Variants in POC1A observed in about 807,000 individuals in gnomAD.
The protein encoded by POC1A is POC1 centriolar protein homolog A.
Under a neutral mutation model 47.8 loss-of-function variants are expected in POC1A, and 34 were observed. The ratio of observed to expected loss-of-function variants is 0.71; its 90% CI spans 0.54 to 0.95. The LOEUF (loss-of-function observed/expected upper bound fraction) is 0.95. Among genes scored for constraint, POC1A ranks in the 40% least tolerant of loss-of-function variants. The pLI, the probability that POC1A is intolerant of heterozygous loss-of-function variation, is 0.00. For synonymous variants in POC1A, 177 were observed against 207.6 expected (o/e 0.85, Z 1.27); for missense variants, 466 against 528.3 (o/e 0.88, Z 1.16).
intron 9 of POC1A, among the ~76,000 whole-genome samples, chr3:52,110,162 ATG>A (rs1703330878): frequency 6.6e-6 from 1 of 152,226 alleles, no homozygotes; most frequent in African/African-American, 2.4e-5. Context: ...AGCATTTTTT[ATG>A]TGTCAGACAC....
At chr3:52,110,196 G>GC (rs1405528743) in intron 9 of POC1A, among the ~76,000 whole-genome samples, 1 of 152,196 alleles carries the variant, frequency 6.6e-6, no homozygotes, top group African/African-American at 2.4e-5. Context: ...CATGGCAAGA[G>GC]CAAGGCCCCA....
intron 9 of POC1A, among the ~76,000 whole-genome samples, chr3:52,098,558 C>G (rs191922607): frequency 2.8e-4 from 42 of 152,326 alleles, no homozygotes; most frequent in African/African-American, 7.7e-4. Context: ...GTGGCCTTTA[C>G]AACAGAGGGT....
In POC1A at chr3:52,084,396, G is replaced by A. The variant is rs1233638170; in HGVS notation, c.1126-8411C>T. 2.6e-5 allele frequency among the ~76,000 whole-genome samples: 4 copies of A among 152,148 alleles called. No individual in the cohort carries two copies. The highest frequency in any genetic ancestry group is 5.9e-5 in the Non-Finnish European group (4 of 68,032). On this transcript the variant is annotated intron_variant, in intron 10 of 10. Transcript: ENST00000296484. This position sits in a 1 kb window ranked among gnomAD's most constrained non-coding sequence, Gnocchi z 4.3. ...AGGAGTTGTGGGACACTCACGACCCGCCTTGGGGGCAGCCAACAACATCAT... is the reference window on the plus strand; with the variant it reads ...AGGAGTTGTGGGACACTCACGACCCACCTTGGGGGCAGCCAACAACATCAT...
At chr3:52,076,784 C>T (rs1047127641) in intron 10 of POC1A, among the ~76,000 whole-genome samples, 2 of 152,256 alleles carry the variant, frequency 1.3e-5, no homozygotes, top group African/African-American at 2.4e-5. Context: ...TGGGCCCTTG[C>T]TCTCCTGGCC....
intron 5 of POC1A, 129 bp downstream of exon 5, chr3:52,146,859 A>G: frequency 1.4e-6 from 1 of 738,100 alleles, no homozygotes; most frequent in Middle Eastern, 3.4e-4. Context: ...AGCACCAGAC[A>G]AGGGGCAGCA....
chr3:52,135,076 A>G (rs573517212), intron 7 of POC1A, among the ~76,000 whole-genome samples: 4 of 152,206 alleles, frequency 2.6e-5, no homozygotes, highest in Non-Finnish European at 5.9e-5. Context: ...AGGACTCTAT[A>G]CCTGCTGCAG....
rs1031500973 is a variant in POC1A, at chr3:52,145,869, T to C, written c.656A>G (p.His219Arg). ...NTVKVWDVRT[H>R]RLLQHYQLHS... ...ACACTGATAATGCTGCAGCAGCCGG[T>C]GAGTCCGCACGTCCCACACCTTCAC... The change falls in exon 6 of 11, where the codon CAC becomes CGC. Residue 219 changes from histidine (H) to arginine (R), a missense_variant. Transcript: ENST00000296484. The C allele has an allele frequency of 6.2e-7, 1 of 1,613,504 alleles. No homozygotes were observed. The highest frequency in any genetic ancestry group is 8.5e-7 in the Non-Finnish European group (1 of 1,179,656).
chr3:52,149,402 G>C lies in POC1A; in HGVS notation c.276-13C>G. On this transcript the variant is annotated splice_polypyrimidine_tract_variant and intron_variant, in intron 3 of 10. Transcript: ENST00000296484. ...GGACTCACCTTTGCTACAAGGACAG[G>C]CATCCAAGAGTAAGGAAACCCATAA... The C allele has an allele frequency of 6.2e-7, 1 of 1,612,166 alleles. No homozygotes were observed.
intron 10 of POC1A, among the ~76,000 whole-genome samples, chr3:52,089,230 G>A (rs934996121): frequency 4.0e-5 from 6 of 151,888 alleles, no homozygotes; most frequent in African/African-American, 1.2e-4. Context: ...CCCCTGTCCC[G>A]CCACATTTGC....
intron 10 of POC1A, among the ~76,000 whole-genome samples, chr3:52,087,269 G>A (rs928714457): frequency 6.6e-6 from 1 of 152,184 alleles, no homozygotes; most frequent in Non-Finnish European, 1.5e-5. Context: ...CTGAACCTCA[G>A]AGGGGAAGGA....
chr3:52,083,790 A>G (rs1412557334), intron 10 of POC1A, among the ~76,000 whole-genome samples: 1 of 152,170 alleles, frequency 6.6e-6, no homozygotes, highest in Non-Finnish European at 1.5e-5. Context: ...CGGCCTGGGA[A>G]GGAGAGCATC....
At chr3:52,105,913 G>C (rs1703161482) in intron 9 of POC1A, among the ~76,000 whole-genome samples, 1 of 152,212 alleles carries the variant, frequency 6.6e-6, no homozygotes, top group African/African-American at 2.4e-5. Flanking sequence ...TGAAAGTTCA[G>C]GCCGGGTGTG....
At chr3:52,092,801 C>T (rs1368653910) in intron 10 of POC1A, among the ~76,000 whole-genome samples, 1 of 152,140 alleles carries the variant, frequency 6.6e-6, no homozygotes. Context: ...AGTAAAACAC[C>T]AACCCCATTT....
chr3:52,088,874 C>T (rs921018105), intron 10 of POC1A, among the ~76,000 whole-genome samples: 2 of 149,758 alleles, frequency 1.3e-5, no homozygotes, highest in Non-Finnish European at 3.0e-5. Context: ...CCAGCCCTCC[C>T]CCAGCCCTCC....
chr3:52,085,581 C>T (rs984094355), intron 10 of POC1A, among the ~76,000 whole-genome samples: 1 of 152,186 alleles, frequency 6.6e-6, no homozygotes. Context: ...GCCCTGGCCC[C>T]GCTGCTAGGA....
chr3:52,149,850 G>A lies in POC1A; in HGVS notation c.241C>T (p.Arg81Ter), dbSNP rs397514487. ...ACCCAGATGCGGACAGTCTTGTCTCGGGAGCCGGAAGCAAGCAGGTGTCCC... is the reference window on the plus strand; with the variant it reads ...ACCCAGATGCGGACAGTCTTGTCTCAGGAGCCGGAAGCAAGCAGGTGTCCC... ...PSGHLLASGS[R>*]DKTVRIWVPN... The change falls in exon 3 of 11, where the codon CGA becomes TGA. Residue 81 changes from arginine to a stop codon, truncating the protein, a stop_gained. Coordinates refer to ENST00000296484, the MANE Select transcript of POC1A (RefSeq NM_015426.5). LOFTEE classifies it high-confidence loss of function. 6.8e-6 allele frequency: 11 copies of A among 1,613,784 alleles called. No individual in the cohort carries two copies. Among genetic ancestry groups the A allele is most frequent in the African/African-American group, 1.3e-5 (1 of 74,922 alleles).
intron 9 of POC1A, among the ~76,000 whole-genome samples, chr3:52,111,652 T>TTAAA (rs1367347670): frequency 1.1e-5 from 1 of 95,180 alleles, no homozygotes; most frequent in African/African-American, 3.6e-5. Flanking sequence ...GTCTCAAAAT[T>TTAAA]AAAAAAAAAA....
At chr3:52,083,456 C>T (rs979206677) in intron 10 of POC1A, among the ~76,000 whole-genome samples, 10 of 152,156 alleles carry the variant, frequency 6.6e-5, no homozygotes, top group African/African-American at 2.2e-4. Flanking sequence ...CCCTGGGCTA[C>T]GTGGGCTTTT....
At chr3:52,135,416 C>A (rs1228864113) in intron 7 of POC1A, among the ~76,000 whole-genome samples, 9 of 152,212 alleles carry the variant, frequency 5.9e-5, no homozygotes. Flanking sequence ...CAGTGTCTTG[C>A]TTTGTCACCC....
Sources: allele counts gnomAD v4.1 joint callset (sites outside exome capture counted in the v4.1 genomes callset), GRCh38; gene constraint gnomAD v4.1.1; non-coding constraint Gnocchi (gnomAD v3.1); transcripts MANE v1.5; gene names NCBI Gene and HGNC (gene_info 2026-07-23, HGNC 2026-07-21).